FUBP3: variants seen among roughly 807,000 people sequenced by gnomAD.
FUBP3 encodes far upstream element-binding protein 3.
In FUBP3, 28 loss-of-function variants were observed where a neutral mutation model predicts 85.6. The ratio of observed to expected loss-of-function variants is 0.33; its 90% CI spans 0.24 to 0.45. The LOEUF (loss-of-function observed/expected upper bound fraction) is 0.45. FUBP3 is among the 20% of genes least tolerant of loss of function. FUBP3 has a pLI of 1.00. For synonymous variants in FUBP3, 271 were observed against 271.4 expected, an observed-to-expected ratio of 1.00 and a Z score of 0.01; for missense variants, 583 against 755.1, an observed-to-expected ratio of 0.77 and a Z score of 2.67.
chr9:130,627,580 G>A (rs975610830), intron 12 of FUBP3, among the ~76,000 whole-genome samples: 1 of 152,210 alleles, frequency 6.6e-6, no homozygotes, highest in Admixed American at 6.5e-5. Context: ...AAGAAACCGT[G>A]TTGTCTTTTA....
At chr9:130,617,681 C>T in intron 7 of FUBP3, 116 bp from the exon 8 acceptor site, 2 of 765,664 alleles carry the variant, frequency 2.6e-6, no homozygotes, top group South Asian at 1.4e-5. Flanking sequence ...AAGGCAGTCC[C>T]TGGTGGTAGG....
At chr9:130,633,977 CT>C (rs1006589678) in intron 16 of FUBP3, among the ~76,000 whole-genome samples, 1 of 152,170 alleles carries the variant, frequency 6.6e-6, no homozygotes, top group African/African-American at 2.4e-5. Context: ...CAGCCCCGGC[CT>C]GGGCAGAAGG....
chr9:130,595,457 G>A (rs1390224901), intron 1 of FUBP3, 26 bp from the exon 2 acceptor site: 1 of 1,069,652 alleles, frequency 9.3e-7, no homozygotes, highest in Non-Finnish European at 1.5e-6. Flanking sequence ...TTGTTACTGA[G>A]TGTTTAAATC....
chr9:130,631,643 C>G lies in FUBP3; in HGVS notation c.1352+13C>G, dbSNP rs763954850. 3 of 1,594,546 alleles carry G rather than the reference C, an allele frequency of 1.9e-6. No individual in the cohort carries two copies. The highest frequency in any genetic ancestry group is 2.6e-6 in the Non-Finnish European group (3 of 1,162,374). On this transcript the variant is annotated intron_variant, in intron 14 of 18. Coordinates refer to ENST00000319725, the MANE Select transcript of FUBP3 (RefSeq NM_003934.2). ...CACCTCATCAAAAGTGAGTCTTTTG[C>G]ATCAGTCTTGCCTGGGAGAATTCAC...
intron 10 of FUBP3, 72 bp downstream of exon 10, chr9:130,622,882 A>C: frequency 1.4e-6 from 1 of 693,102 alleles, no homozygotes; most frequent in Non-Finnish European, 2.4e-6. Flanking sequence ...AGGATGATAA[A>C]ACACCTTACA....
intron 8 of FUBP3, 77 bp from the exon 9 acceptor site, chr9:130,620,277 A>G: frequency 2.4e-6 from 2 of 833,350 alleles, no homozygotes; most frequent in Non-Finnish European, 3.9e-6. Flanking sequence ...AGAGGGTTTG[A>G]TCTTGAAATT....
chr9:130,590,021 A>ATTTTTT lies in FUBP3; in HGVS notation c.85-5437_85-5432dup, dbSNP rs60878897. Among the ~76,000 whole-genome samples the ATTTTTT allele has an allele frequency of 2.9e-3, 135 of 45,996 alleles. 12 individuals carry two copies. Among genetic ancestry groups the ATTTTTT allele is most frequent in the African/African-American group, 0.011 (116 of 10,450 alleles). 30.2% of individuals were successfully genotyped at this position (45,996 alleles called of 152,430 possible). ...TGAGCCACCACACCCGGCCTATTTA[A>ATTTTTT]TTTTTTTTTTTTTTTTTTTTTTTTT... On this transcript the variant is annotated intron_variant, in intron 1 of 18. Transcript: ENST00000319725.
intron 1 of FUBP3, among the ~76,000 whole-genome samples, chr9:130,593,597 T>G (rs1830728647): frequency 6.6e-6 from 1 of 152,232 alleles, no homozygotes; most frequent in Admixed American, 6.5e-5. Context: ...AATCCTGTAT[T>G]TGGTTTTCAG....
intron 1 of FUBP3, among the ~76,000 whole-genome samples, chr9:130,594,333 A>T (rs895129838): frequency 6.6e-6 from 1 of 152,106 alleles, no homozygotes; most frequent in African/African-American, 2.4e-5. Context: ...TTGTAATCCC[A>T]GCACTTTGGG....
At chr9:130,584,576 G>A (rs894953808) in intron 1 of FUBP3, among the ~76,000 whole-genome samples, 5 of 151,506 alleles carry the variant, frequency 3.3e-5, no homozygotes. Flanking sequence ...AAAAGAGAGA[G>A]CAAGATTTCG....
At position 130,637,112 on chromosome 9, in the gene FUBP3, G is replaced by T; in HGVS notation, c.*90G>T. 9.8e-7 allele frequency: 1 copy of T among 1,016,568 alleles called. No homozygotes were observed. 63.0% of individuals were successfully genotyped at this position (1,016,568 alleles called of 1,614,324 possible). ...AGGTTTTTACATTTGCAAACCTTTT[G>T]ATGAAGAACTGTTGTTTTGTTCTGT... is the stretch of plus-strand genomic sequence containing the variant. On this transcript the variant is annotated 3_prime_UTR_variant, in exon 19 of 19. Transcript: ENST00000319725.
intron 12 of FUBP3, among the ~76,000 whole-genome samples, chr9:130,630,031 C>T (rs568363815): frequency 4.9e-4 from 74 of 152,336 alleles, no homozygotes; most frequent in African/African-American, 1.7e-3. Context: ...GTGACCTCCA[C>T]CCCATCCTTG....
At chr9:130,630,528 C>A (rs1280337249) in intron 12 of FUBP3, 100 bp from the exon 13 acceptor site, 1 of 962,972 alleles carries the variant, frequency 1.0e-6, no homozygotes, top group Non-Finnish European at 1.5e-6. Flanking sequence ...CCGACGTGCA[C>A]AAAATCCCCC....
At chr9:130,611,678 G>A (rs896499481) in intron 3 of FUBP3, among the ~76,000 whole-genome samples, 23 of 148,382 alleles carry the variant, frequency 1.6e-4, no homozygotes, top group African/African-American at 4.5e-4. Flanking sequence ...CTTGCATTTA[G>A]CATCCTCCCA....
chr9:130,626,644 C>A (rs1237055575), intron 12 of FUBP3, 139 bp downstream of exon 12: 2 of 794,112 alleles, frequency 2.5e-6, no homozygotes, highest in African/African-American at 1.7e-5. Context: ...CAGTAGCCAC[C>A]TTCTGCCGAA....
chr9:130,625,097 T>C (rs1829916683), intron 11 of FUBP3, among the ~76,000 whole-genome samples: 1 of 152,190 alleles, frequency 6.6e-6, no homozygotes, highest in Non-Finnish European at 1.5e-5. Flanking sequence ...TAGTTTCAGC[T>C]ACTCAGGAGG....
At chr9:130,632,079 C>T in intron 15 of FUBP3, 57 bp downstream of exon 15, 1 of 1,486,208 alleles carries the variant, frequency 6.7e-7, no homozygotes, top group East Asian at 2.3e-5. Context: ...GGTCACTTGG[C>T]TATTGCCGAC....
At chr9:130,582,390 G>T (rs1327161144) in intron 1 of FUBP3, among the ~76,000 whole-genome samples, 3 of 152,012 alleles carry the variant, frequency 2.0e-5, no homozygotes, top group Non-Finnish European at 4.4e-5. Context: ...GATCAAGGCT[G>T]CAGTGAGCTG....
chr9:130,624,607 TTTTGTG>T (rs1178030339), intron 11 of FUBP3, among the ~76,000 whole-genome samples: 2 of 129,234 alleles, frequency 1.5e-5, no homozygotes, highest in East Asian at 2.5e-4. Context: ...TGTTACAAGA[TTTTGTG>T]TGTGTGTGTG....
Sources: allele counts gnomAD v4.1 joint callset (sites outside exome capture counted in the v4.1 genomes callset), GRCh38; gene constraint gnomAD v4.1.1; transcripts MANE v1.5; gene names NCBI Gene and HGNC (gene_info 2026-07-23, HGNC 2026-07-21).